SORCS3: variants seen among roughly 807,000 people sequenced by gnomAD.
The protein encoded by SORCS3 is VPS10 domain-containing receptor SorCS3.
Under a neutral mutation model 146.3 loss-of-function variants are expected in SORCS3, and 57 were observed. The ratio of observed to expected loss-of-function variants is 0.39; its 90% CI spans 0.31 to 0.49. The LOEUF is 0.49. Among genes scored for constraint, SORCS3 ranks in the 20% least tolerant of loss-of-function variants. The pLI, the probability that SORCS3 is intolerant of heterozygous loss-of-function variation, is 0.92. For synonymous variants in SORCS3, 653 were observed against 618.5 expected (o/e 1.06, Z -0.83); for missense variants, 1,341 against 1,575.5 (o/e 0.85, Z 2.52).
intron 3 of SORCS3, among the ~76,000 whole-genome samples, chr10:104,953,988 T>TATTGGG (rs1488061847): frequency 5.9e-5 from 9 of 152,124 alleles, no homozygotes; most frequent in Non-Finnish European, 1.5e-5. Context: ...TAGCTGTCTG[T>TATTGGG]ATTGGGCAAG....
chr10:105,164,119 A>AT (rs778531118), intron 11 of SORCS3, among the ~76,000 whole-genome samples, 184 bp from the exon 12 acceptor site: 51 of 152,172 alleles, frequency 3.4e-4, no homozygotes, highest in Non-Finnish European at 7.4e-4. Flanking sequence ...TACTATTTAG[A>AT]TTTTTTCCCA....
At chr10:104,933,221 C>G (rs2019225423) in intron 3 of SORCS3, among the ~76,000 whole-genome samples, 1 of 152,042 alleles carries the variant, frequency 6.6e-6, no homozygotes, top group Admixed American at 6.6e-5. Flanking sequence ...GTTGTTAATT[C>G]TTTGGTTCAG....
At chr10:104,950,633 CATTTGAATAGAAG>C (rs1278973105) in intron 3 of SORCS3, among the ~76,000 whole-genome samples, 1 of 152,114 alleles carries the variant, frequency 6.6e-6, no homozygotes, top group African/African-American at 2.4e-5. Context: ...TGGAAAATTT[CATTTGAATAGAAG>C]GGCTAGCACA....
rs115989482 is a variant in SORCS3 at position 104,773,149 on chromosome 10, G to A, written c.628-69643G>A. ...GGGGAGCAGCACACATGTGAGTCCC[G>A]AGGAGGTCAGTGAGGCTGGAGAGGT... is the stretch of plus-strand genomic sequence containing the variant. On this transcript the variant is annotated intron_variant, in intron 1 of 26. Coordinates refer to ENST00000369701, the MANE Select transcript of SORCS3 (RefSeq NM_014978.3). Among the ~76,000 whole-genome samples the A allele has an allele frequency of 2.9e-3, 439 of 152,304 alleles. 1 individual carries two copies. Among genetic ancestry groups the A allele is most frequent in the African/African-American group, 9.9e-3 (410 of 41,572 alleles).
chr10:104,850,754 T>C (rs1050300065), intron 2 of SORCS3, among the ~76,000 whole-genome samples: 1 of 152,228 alleles, frequency 6.6e-6, no homozygotes, highest in African/African-American at 2.4e-5. Flanking sequence ...GAAATGATCT[T>C]TTGAAACTCT....
At chr10:105,117,583 A>G (rs1245764096) in intron 7 of SORCS3, among the ~76,000 whole-genome samples, 2 of 152,156 alleles carry the variant, frequency 1.3e-5, no homozygotes, top group African/African-American at 4.8e-5. Flanking sequence ...ATATTTTTAA[A>G]ATATCCACCA....
intron 4 of SORCS3, among the ~76,000 whole-genome samples, chr10:104,997,651 A>G (rs1465985372): frequency 6.6e-6 from 1 of 152,164 alleles, no homozygotes; most frequent in Non-Finnish European, 1.5e-5. Context: ...GATTATCTCT[A>G]CAGCCTTTAG....
Position 105,213,293 on chromosome 10 carries a change from T to TAC in SORCS3, c.2376-1148_2376-1147dup, listed in dbSNP as rs1393917145. Reference sequence around the variant, plus strand: ...AGTTCAGCAGTGGGGTGGCAGGGGGTACCCAGGGAAAATGTCAGGTATGAT... The same window carrying TAC: ...AGTTCAGCAGTGGGGTGGCAGGGGGTACACCCAGGGAAAATGTCAGGTATGAT... On this transcript the variant is annotated intron_variant, in intron 17 of 26. Transcript: ENST00000369701. 7.2e-5 allele frequency among the ~76,000 whole-genome samples: 11 copies of TAC among 152,238 alleles called. No homozygotes were observed. The East Asian group carries it at 2.1e-3, about 29-fold the overall frequency.
chr10:104,899,099 T>C (rs1475742539), intron 2 of SORCS3, among the ~76,000 whole-genome samples: 1 of 152,214 alleles, frequency 6.6e-6, no homozygotes, highest in African/African-American at 2.4e-5. Context: ...TCAGTAAACA[T>C]CTGTTGATTG....
intron 1 of SORCS3, among the ~76,000 whole-genome samples, chr10:104,761,791 T>C (rs1484246817): frequency 6.6e-6 from 1 of 152,160 alleles, no homozygotes; most frequent in Non-Finnish European, 1.5e-5. Flanking sequence ...GTACTGCCTG[T>C]AAAGCGTTGA....
At chr10:104,797,596 T>C (rs1464172266) in intron 1 of SORCS3, among the ~76,000 whole-genome samples, 1 of 152,214 alleles carries the variant, frequency 6.6e-6, no homozygotes, top group East Asian at 1.9e-4. Flanking sequence ...CACACATTTA[T>C]TTCATCTAAT....
At chr10:105,078,353 T>A (rs2055601977) in intron 5 of SORCS3, among the ~76,000 whole-genome samples, 1 of 152,126 alleles carries the variant, frequency 6.6e-6, no homozygotes, top group Non-Finnish European at 1.5e-5. Context: ...CTAGAGCCTG[T>A]CTTTAAGAAG....
At chr10:104,810,288 A>G (rs1412892983) in intron 1 of SORCS3, among the ~76,000 whole-genome samples, 1 of 152,230 alleles carries the variant, frequency 6.6e-6, no homozygotes, top group Non-Finnish European at 1.5e-5. Context: ...CCTGTCACGC[A>G]CTGGAGATTA....
chr10:104,872,172 A>G (rs2018525310), intron 2 of SORCS3, among the ~76,000 whole-genome samples: 1 of 152,206 alleles, frequency 6.6e-6, no homozygotes, highest in Non-Finnish European at 1.5e-5. Flanking sequence ...CTTACAATGT[A>G]CCATGAGGGA....
intron 4 of SORCS3, among the ~76,000 whole-genome samples, chr10:105,042,367 T>C (rs2055343587): frequency 6.6e-6 from 1 of 152,206 alleles, no homozygotes; most frequent in Non-Finnish European, 1.5e-5. Context: ...AAGAACAACA[T>C]GGTAGAATTA....
intron 1 of SORCS3, among the ~76,000 whole-genome samples, chr10:104,715,241 G>A (rs983727445): frequency 3.3e-5 from 5 of 152,136 alleles, no homozygotes; most frequent in African/African-American, 1.2e-4. Context: ...CCCTCACCAC[G>A]GTGGGTGGGC....
At chr10:105,158,818 G>T (rs978977687) in intron 10 of SORCS3, 74 bp from the exon 11 acceptor site, 2 of 1,131,488 alleles carry the variant, frequency 1.8e-6, no homozygotes, top group Non-Finnish European at 2.7e-6. Context: ...ACATCGGGAA[G>T]CCCATCTCTA....
intron 1 of SORCS3, among the ~76,000 whole-genome samples, chr10:104,819,589 C>T (rs1032317): frequency 0.36 from 55,212 of 152,040 alleles, 11,004 homozygotes; most frequent in East Asian, 0.66. Flanking sequence ...TTCCTTGGAG[C>T]GGGGCCACAC....
chr10:105,226,905 T>C (rs929442774), intron 20 of SORCS3, among the ~76,000 whole-genome samples: 1 of 152,050 alleles, frequency 6.6e-6, no homozygotes, highest in African/African-American at 2.4e-5. Flanking sequence ...TCAGTTGCAA[T>C]GCCTCCTTTT....
Sources: gnomAD v4.1 joint callset for allele counts (sites outside exome capture counted in the v4.1 genomes callset) on GRCh38, gnomAD v4.1.1 for gene constraint, MANE v1.5 for transcripts, NCBI Gene and HGNC (gene_info 2026-07-23, HGNC 2026-07-21) for gene names.